The following CACNA2D3 variants were observed in gnomAD, a reference collection of about 807,000 sequenced individuals.
CACNA2D3 encodes voltage-dependent calcium channel subunit alpha-2/delta-3.
In CACNA2D3, 60 loss-of-function variants were observed where a neutral mutation model predicts 160.6. That is an observed-to-expected ratio of 0.37 (90% confidence interval 0.30 to 0.46). The LOEUF (loss-of-function observed/expected upper bound fraction) is 0.46, where lower values mean the gene tolerates loss of function less well. Among genes scored for constraint, CACNA2D3 ranks in the 20% least tolerant of loss-of-function variants. The pLI is 1.00. For missense variants in CACNA2D3, 1,205 were observed against 1,365.0 expected (o/e 0.88, Z 1.85); for synonymous variants, 558 against 492.9 (o/e 1.13, Z -1.75).
intron 3 of CACNA2D3, among the ~76,000 whole-genome samples, chr3:54,321,047 C>T (rs755800718): frequency 1.2e-4 from 18 of 152,142 alleles, no homozygotes; most frequent in South Asian, 8.3e-4. Flanking sequence ...TGGCCGGGCG[C>T]GGTGGCTCAT....
chr3:54,803,395 A>G (rs1191523007), intron 13 of CACNA2D3, among the ~76,000 whole-genome samples: 8 of 152,236 alleles, frequency 5.3e-5, no homozygotes, highest in African/African-American at 1.9e-4. Flanking sequence ...GCCAAGGCTC[A>G]AGAACTACGT....
intron 4 of CACNA2D3, among the ~76,000 whole-genome samples, chr3:54,447,928 T>C (rs189588383): frequency 3.2e-4 from 49 of 152,174 alleles, no homozygotes; most frequent in African/African-American, 1.1e-3. Context: ...GAACTAACAA[T>C]AGAAAAACCC....
chr3:54,944,671 T>A (rs907195322), intron 27 of CACNA2D3, among the ~76,000 whole-genome samples: 1 of 152,230 alleles, frequency 6.6e-6, no homozygotes, highest in African/African-American at 2.4e-5. Flanking sequence ...TCCGCCTGCC[T>A]CAGCCTCCCA....
At chr3:54,165,607 A>AC (rs1700437862) in intron 2 of CACNA2D3, among the ~76,000 whole-genome samples, 1 of 123,874 alleles carries the variant, frequency 8.1e-6, no homozygotes, top group South Asian at 3.1e-4. Flanking sequence ...CTCTAAAAAA[A>AC]AAAAAAAAAA....
chr3:54,848,185 G>A (rs1391762839), intron 17 of CACNA2D3, among the ~76,000 whole-genome samples: 1 of 152,220 alleles, frequency 6.6e-6, no homozygotes, highest in East Asian at 1.9e-4. Context: ...AGCAAATGGT[G>A]TGTTTGTAAA....
intron 3 of CACNA2D3, among the ~76,000 whole-genome samples, chr3:54,380,877 A>C (rs748021255): frequency 2.1e-4 from 32 of 152,198 alleles, no homozygotes; most frequent in Non-Finnish European, 3.8e-4. Context: ...TGTTGATTCA[A>C]AGGAAAAGTC....
At chr3:54,581,072 A>AGC (rs1702668384) in intron 8 of CACNA2D3, among the ~76,000 whole-genome samples, 1 of 152,144 alleles carries the variant, frequency 6.6e-6, no homozygotes. Flanking sequence ...CAGCAATGGG[A>AGC]GCTGTGAATA....
intron 31 of CACNA2D3, among the ~76,000 whole-genome samples, chr3:55,003,064 A>G (rs1184732366): frequency 6.6e-6 from 1 of 152,176 alleles, no homozygotes; most frequent in Non-Finnish European, 1.5e-5. Flanking sequence ...CAGAGCCAAC[A>G]CCAGTCCTGC....
At chr3:54,324,925 T>A (rs116113420) in intron 3 of CACNA2D3, among the ~76,000 whole-genome samples, 32,697 of 152,026 alleles carry the variant, frequency 0.22, 3,737 homozygotes, top group Middle Eastern at 0.28. Context: ...TCAGAGCTCT[T>A]TGATATTGAT....
At chr3:54,242,999 C>G (rs1241090891) in intron 2 of CACNA2D3, among the ~76,000 whole-genome samples, 1 of 152,210 alleles carries the variant, frequency 6.6e-6, no homozygotes. Flanking sequence ...AATTACTCTT[C>G]TCAATAGCAG....
At chr3:54,327,597 G>A (rs890208626) in intron 3 of CACNA2D3, among the ~76,000 whole-genome samples, 5 of 152,150 alleles carry the variant, frequency 3.3e-5, no homozygotes, top group African/African-American at 1.2e-4. Flanking sequence ...TACTGTAGAA[G>A]CACCCATGTG....
At chr3:54,694,509 G>A (rs566794563) in intron 11 of CACNA2D3, among the ~76,000 whole-genome samples, 3 of 152,310 alleles carry the variant, frequency 2.0e-5, no homozygotes, top group African/African-American at 7.2e-5. Context: ...ACTGGTGAAG[G>A]TATGCTGTCC....
At chr3:54,354,023 T>A (rs1266704803) in intron 3 of CACNA2D3, among the ~76,000 whole-genome samples, 1 of 152,196 alleles carries the variant, frequency 6.6e-6, no homozygotes, top group Admixed American at 6.5e-5. Context: ...CCTTTAGTGT[T>A]TACTCTGTCA....
At chr3:54,744,842 T>C (rs1174968117) in intron 11 of CACNA2D3, among the ~76,000 whole-genome samples, 1 of 152,234 alleles carries the variant, frequency 6.6e-6, no homozygotes, top group Non-Finnish European at 1.5e-5. Flanking sequence ...TTGTCTCATT[T>C]GCTGTTGATC....
At chr3:54,699,821 T>C (rs6808753) in intron 11 of CACNA2D3, among the ~76,000 whole-genome samples, 9,168 of 152,278 alleles carry the variant, frequency 0.06, 332 homozygotes, top group African/African-American at 0.088. Context: ...CTAAATAATA[T>C]TAATTTGGCT....
intron 14 of CACNA2D3, among the ~76,000 whole-genome samples, chr3:54,822,828 TTTCTTTTCTTTCTTTC>T (rs1559595824): frequency 7.1e-5 from 6 of 85,026 alleles, no homozygotes; most frequent in African/African-American, 3.6e-4. Context: ...TCTTTCTTTC[TTTCTTTTCTTTCTTTC>T]TTTCTTTCTT....
chr3:54,684,350 C>G (rs1700410945), intron 11 of CACNA2D3, among the ~76,000 whole-genome samples: 1 of 152,132 alleles, frequency 6.6e-6, no homozygotes, highest in Non-Finnish European at 1.5e-5. Context: ...CTGCGAAGAC[C>G]CTGTTTCCAA....
intron 4 of CACNA2D3, among the ~76,000 whole-genome samples, chr3:54,435,940 T>A (rs1347839073): frequency 6.6e-6 from 1 of 151,872 alleles, no homozygotes; most frequent in Non-Finnish European, 1.5e-5. Flanking sequence ...TCACCAAAAT[T>A]AAGAAAAAAC....
At chr3:54,635,791 G>T (rs1008202063) in intron 10 of CACNA2D3, among the ~76,000 whole-genome samples, 10 of 151,688 alleles carry the variant, frequency 6.6e-5, no homozygotes, top group African/African-American at 2.4e-4. Flanking sequence ...AAAACTGCTT[G>T]GCTGATTTGA....
Sources: allele counts gnomAD v4.1 joint callset (sites outside exome capture counted in the v4.1 genomes callset), GRCh38; gene constraint gnomAD v4.1.1; transcripts MANE v1.5; gene names NCBI Gene and HGNC (gene_info 2026-07-23, HGNC 2026-07-21).